SLC25A18: variants seen among roughly 807,000 people sequenced by gnomAD.
SLC25A18 encodes solute carrier family 25 member 18.
SLC25A18 carries 24 observed loss-of-function variants against 31.1 expected under a neutral mutation model. The ratio of observed to expected loss-of-function variants is 0.77; its 90% CI spans 0.56 to 1.08. The LOEUF (loss-of-function observed/expected upper bound fraction) is 1.08. SLC25A18 is among the 50% of genes least tolerant of loss of function. The pLI, the probability that SLC25A18 is intolerant of heterozygous loss-of-function variation, is 0.00. For missense variants in SLC25A18, 371 were observed against 418.5 expected (o/e 0.89, Z 0.99); for synonymous variants, 173 against 161.9 (o/e 1.07, Z -0.52).
Position 17,579,912 on chromosome 22 carries a change from G to C in SLC25A18, c.-33G>C, listed in dbSNP as rs1324956338. The stretch of plus-strand genomic sequence containing the variant: ...CAGCGGCTACCCCAAGGAGCCAGCA[G>C]CCTTGTGTCCTGGGATCCCCAGCCC... On this transcript the variant is annotated 5_prime_UTR_variant, in exon 3 of 11. Coordinates refer to ENST00000327451, the MANE Select transcript of SLC25A18 (RefSeq NM_031481.3). 1 of 1,605,802 alleles carries C rather than the reference G, an allele frequency of 6.2e-7. No homozygotes were observed. Among genetic ancestry groups the C allele is most frequent in the South Asian group, 1.1e-5 (1 of 88,654 alleles).
chr22:17,564,148 T>C (rs546688215), intron 1 of SLC25A18, among the ~76,000 whole-genome samples: 39 of 152,334 alleles, frequency 2.6e-4, no homozygotes, highest in African/African-American at 9.4e-4. Flanking sequence ...CAAGTAATTA[T>C]GTCCAGTGTG....
chr22:17,588,189 C>T (rs1199432514), intron 9 of SLC25A18, 110 bp downstream of exon 9: 33 of 1,312,752 alleles, frequency 2.5e-5, no homozygotes, highest in Middle Eastern at 2.4e-4. Context: ...TGGCTGCTGG[C>T]GGAGGCTCAC....
chr22:17,575,928 C>A (rs2057219191), intron 2 of SLC25A18, among the ~76,000 whole-genome samples: 2 of 152,302 alleles, frequency 1.3e-5, no homozygotes, highest in South Asian at 4.1e-4. Context: ...TTCCAGCTGG[C>A]TGCTTTTCTA....
intron 2 of SLC25A18, among the ~76,000 whole-genome samples, chr22:17,575,315 G>C (rs9306195): frequency 6.6e-6 from 1 of 152,098 alleles, no homozygotes; most frequent in East Asian, 1.9e-4. Context: ...CCAAGTTACA[G>C]AACTCTACTA....
At chr22:17,570,655 T>C (rs964353598) in intron 2 of SLC25A18, among the ~76,000 whole-genome samples, 5 of 152,108 alleles carry the variant, frequency 3.3e-5, no homozygotes, top group Non-Finnish European at 7.4e-5. Flanking sequence ...TGGCTAATTT[T>C]TTTTTCTATT....
chr22:17,580,794 C>A, intron 3 of SLC25A18: 1 of 1,273,768 alleles, frequency 7.9e-7, no homozygotes, highest in Non-Finnish European at 9.9e-7. Context: ...TGGGCTCCTC[C>A]CAGAAGCCCC....
At chr22:17,565,165 C>T (rs1417530025) in intron 1 of SLC25A18, among the ~76,000 whole-genome samples, 7 of 152,028 alleles carry the variant, frequency 4.6e-5, no homozygotes, top group Admixed American at 3.9e-4. Context: ...CTGTAAACTC[C>T]GCCCCCCCGG....
chr22:17,573,129 G>A (rs1436158048), intron 2 of SLC25A18, among the ~76,000 whole-genome samples: 1 of 152,052 alleles, frequency 6.6e-6, no homozygotes, highest in African/African-American at 2.4e-5. Context: ...TGTACCTTCT[G>A]GATTTTCTAC....
chr22:17,573,633 G>A (rs2057155185), intron 2 of SLC25A18, among the ~76,000 whole-genome samples: 1 of 152,016 alleles, frequency 6.6e-6, no homozygotes, highest in Non-Finnish European at 1.5e-5. Flanking sequence ...GAGAGTTCCC[G>A]AAGCCCCACT....
intron 6 of SLC25A18, 73 bp downstream of exon 6, chr22:17,582,726 A>C: frequency 2.9e-6 from 4 of 1,360,192 alleles, no homozygotes; most frequent in Non-Finnish European, 4.1e-6. Flanking sequence ...AGAAGATTTC[A>C]AATGTGCCTC....
intron 7 of SLC25A18, among the ~76,000 whole-genome samples, chr22:17,586,714 G>A (rs545270946): frequency 6.6e-6 from 1 of 152,306 alleles, no homozygotes; most frequent in South Asian, 2.1e-4. Flanking sequence ...AGGAGGCAGA[G>A]GTTGCAGTGA....
intron 7 of SLC25A18, among the ~76,000 whole-genome samples, chr22:17,583,912 C>A (rs2057450094): frequency 6.6e-6 from 1 of 151,634 alleles, no homozygotes; most frequent in Non-Finnish European, 1.5e-5. Context: ...CCACTGCACT[C>A]CAGCCTGGGC....
At chr22:17,565,321 TCCAC>T (rs1165361886) in intron 1 of SLC25A18, among the ~76,000 whole-genome samples, 2 of 152,010 alleles carry the variant, frequency 1.3e-5, no homozygotes, top group African/African-American at 4.8e-5. Context: ...GACCTCGTGA[TCCAC>T]CCACCTCGGG....
intron 3 of SLC25A18, chr22:17,580,725 A>G: frequency 5.4e-6 from 6 of 1,118,110 alleles, no homozygotes; most frequent in Non-Finnish European, 6.6e-6. Flanking sequence ...GAGCCAGAGG[A>G]CGGGCCGGGG....
At chr22:17,565,050 T>G (rs1240790349) in intron 1 of SLC25A18, among the ~76,000 whole-genome samples, 1 of 152,044 alleles carries the variant, frequency 6.6e-6, no homozygotes, top group Non-Finnish European at 1.5e-5. Context: ...CATTTGTCAC[T>G]CTGTGCAGAC....
intron 2 of SLC25A18, among the ~76,000 whole-genome samples, chr22:17,571,907 ACTGGGAGG>A: frequency 6.6e-6 from 1 of 152,166 alleles, no homozygotes; most frequent in South Asian, 2.1e-4. Flanking sequence ...AATCGCAGCT[ACTGGGAGG>A]CTGAGGCAGG....
At chr22:17,578,722 GA>G (rs2057295257) in intron 2 of SLC25A18, among the ~76,000 whole-genome samples, 1 of 152,096 alleles carries the variant, frequency 6.6e-6, no homozygotes. Flanking sequence ...CCTGAGGTCG[GA>G]AAAAATACAA....
rs777099836 is a variant in SLC25A18 at position 17,579,984 on chromosome 22, C to T, written c.20+20C>T. Reference sequence around the variant, plus strand: ...TCTGAGGTGAGCTCGGCTGGGGCAGCCTGAGGCCCTGGGCCCTGGGCCTGG... The same window carrying T: ...TCTGAGGTGAGCTCGGCTGGGGCAGTCTGAGGCCCTGGGCCCTGGGCCTGG... On this transcript the variant is annotated intron_variant, in intron 3 of 10. Transcript: ENST00000327451. 6 of 1,607,280 alleles carry T rather than the reference C, an allele frequency of 3.7e-6. No homozygotes were observed. In the South Asian group the frequency reaches 6.7e-5, roughly 18 times the overall value.
At chr22:17,583,619 A>G in intron 7 of SLC25A18, 85 bp downstream of exon 7, 1 of 1,514,078 alleles carries the variant, frequency 6.6e-7, no homozygotes, top group Non-Finnish European at 8.9e-7. Context: ...CTCATTTGCT[A>G]GGCTGTGTGA....
Sources: allele counts gnomAD v4.1 joint callset (sites outside exome capture counted in the v4.1 genomes callset), GRCh38; gene constraint gnomAD v4.1.1; transcripts MANE v1.5; gene names NCBI Gene and HGNC (gene_info 2026-07-23, HGNC 2026-07-21).